TENM3: variants seen among roughly 807,000 people sequenced by gnomAD.
TENM3 encodes teneurin-3.
A neutral mutation model predicts 255.1 loss-of-function variants in TENM3; 63 were observed. The ratio of observed to expected loss-of-function variants is 0.25; its 90% CI spans 0.20 to 0.30. The LOEUF (loss-of-function observed/expected upper bound fraction) is 0.30, where lower values mean the gene tolerates loss of function less well. TENM3 is among the 10% of genes least tolerant of loss of function. TENM3 has a pLI of 1.00. For missense variants in TENM3, 2,929 were observed against 3,461.1 expected, an observed-to-expected ratio of 0.85 and a Z score of 3.86; for synonymous variants, 1,306 against 1,322.3, an observed-to-expected ratio of 0.99 and a Z score of 0.27.
the TENM3 span, among the ~76,000 whole-genome samples, chr4:181,990,751 C>A: frequency 1.3e-5 from 2 of 152,034 alleles, no homozygotes; most frequent in Non-Finnish European, 2.9e-5. Context: ...ACTAAAGGAG[C>A]CTGAAAATTA....
At chr4:181,787,363 G>A in the TENM3 span, among the ~76,000 whole-genome samples, 6,262 of 150,240 alleles carry the variant, frequency 0.042, 283 homozygotes, top group African/African-American at 0.11. Flanking sequence ...TTTTGAGACG[G>A]AGTCTCACTC....
chr4:182,758,771 C>T lies in TENM3; in HGVS notation c.4892+3512C>T, dbSNP rs572252983. Among the ~76,000 whole-genome samples the T allele has an allele frequency of 4.6e-4, 70 of 152,192 alleles. 1 individual carries two copies. Among genetic ancestry groups the T allele is most frequent in the African/African-American group, 1.5e-3 (63 of 41,528 alleles). On this transcript the variant is annotated intron_variant, in intron 22 of 27. Coordinates refer to ENST00000511685, the MANE Select transcript of TENM3 (RefSeq NM_001080477.4). ...GGCCAGAGTGTCACCAAAACCACAA[C>T]GAGATTGTGAAAAAAAATTGCCATC...
the TENM3 span, among the ~76,000 whole-genome samples, chr4:181,905,070 CA>C: frequency 6.6e-6 from 1 of 152,086 alleles, no homozygotes; most frequent in Non-Finnish European, 1.5e-5. Flanking sequence ...TCAAAAAAGT[CA>C]AAAAGGTTTC....
At chr4:182,683,050 A>G (rs1323794158) in intron 11 of TENM3, among the ~76,000 whole-genome samples, 1 of 152,152 alleles carries the variant, frequency 6.6e-6, no homozygotes, top group East Asian at 1.9e-4. Flanking sequence ...TAGTCTGGGT[A>G]AGGGTATAAT....
chr4:182,144,674 CG>C (rs1378973085), upstream of TENM3: 1 of 146,876 alleles, frequency 6.8e-6, no homozygotes, highest in Non-Finnish European at 1.5e-5. Context: ...GAATTTGGCC[CG>C]GCGCGGTGTG....
At chr4:182,597,742 T>G (rs1747407512) in intron 3 of TENM3, among the ~76,000 whole-genome samples, 1 of 152,234 alleles carries the variant, frequency 6.6e-6, no homozygotes, top group South Asian at 2.1e-4. Context: ...CTTTATATAC[T>G]GATTCTATCT....
intron 3 of TENM3, among the ~76,000 whole-genome samples, chr4:182,555,701 G>A (rs554042716): frequency 2.0e-5 from 3 of 152,024 alleles, no homozygotes; most frequent in South Asian, 4.1e-4. Context: ...ATTTATATGG[G>A]TTTTAAATTG....
At chr4:181,593,987 T>C in the TENM3 span, among the ~76,000 whole-genome samples, 1 of 130,914 alleles carries the variant, frequency 7.6e-6, no homozygotes, top group Non-Finnish European at 1.7e-5. Context: ...AGATAAACTC[T>C]GCAGGAGTTT....
intron 6 of TENM3, among the ~76,000 whole-genome samples, chr4:182,657,665 T>A (rs1753867269): frequency 6.6e-6 from 1 of 152,200 alleles, no homozygotes; most frequent in Non-Finnish European, 1.5e-5. Flanking sequence ...ATTTATTTAC[T>A]TATTTTGAGA....
At chr4:182,083,257 G>C in the TENM3 span, among the ~76,000 whole-genome samples, 1 of 152,160 alleles carries the variant, frequency 6.6e-6, no homozygotes, top group Non-Finnish European at 1.5e-5. Flanking sequence ...GGGTCAAATT[G>C]GGAGAACCCT....
chr4:182,588,465 A>G (rs553966772), intron 3 of TENM3, among the ~76,000 whole-genome samples: 1 of 152,270 alleles, frequency 6.6e-6, no homozygotes, highest in Admixed American at 6.5e-5. Flanking sequence ...TTTTATTTAT[A>G]TCATATCATA....
At chr4:181,517,705 G>A in the TENM3 span, among the ~76,000 whole-genome samples, 15,170 of 152,214 alleles carry the variant, frequency 0.1, 890 homozygotes, top group South Asian at 0.25. Flanking sequence ...CTGAACCACA[G>A]GGAAAAATCT....
At chr4:181,591,110 A>G in the TENM3 span, among the ~76,000 whole-genome samples, 2 of 152,248 alleles carry the variant, frequency 1.3e-5, no homozygotes, top group Non-Finnish European at 2.9e-5. Context: ...CCAAAGGTTC[A>G]ATATGGCCTG....
chr4:182,080,202 T>G, the TENM3 span, among the ~76,000 whole-genome samples: 1 of 152,226 alleles, frequency 6.6e-6, no homozygotes, highest in Non-Finnish European at 1.5e-5. Flanking sequence ...GTGGAAATAG[T>G]TCCACCTGAG....
chr4:181,517,827 T>A, the TENM3 span, among the ~76,000 whole-genome samples: 5 of 152,202 alleles, frequency 3.3e-5, no homozygotes, highest in Non-Finnish European at 7.3e-5. Flanking sequence ...CATTTTGGTT[T>A]GTTTTGGTTT....
the TENM3 span, among the ~76,000 whole-genome samples, chr4:181,460,075 G>A: frequency 6.6e-6 from 1 of 151,730 alleles, no homozygotes; most frequent in Admixed American, 6.6e-5. Context: ...GACATTCGTT[G>A]CTACTTTAAA....
At chr4:182,042,927 C>T in the TENM3 span, among the ~76,000 whole-genome samples, 1 of 150,670 alleles carries the variant, frequency 6.6e-6, no homozygotes, top group Non-Finnish European at 1.5e-5. Flanking sequence ...GACACTAATT[C>T]AGTATTGCAA....
At chr4:181,842,190 C>T in the TENM3 span, among the ~76,000 whole-genome samples, 16,816 of 152,068 alleles carry the variant, frequency 0.11, 1,274 homozygotes, top group South Asian at 0.16. Context: ...ATAGATAAGA[C>T]GCTTTGTAGG....
chr4:182,040,646 C>T, the TENM3 span, among the ~76,000 whole-genome samples: 37 of 152,276 alleles, frequency 2.4e-4, no homozygotes, highest in Non-Finnish European at 5.0e-4. Context: ...TCACCAATTT[C>T]GTTCATGCCA....
Sources: gnomAD v4.1 joint callset for allele counts (sites outside exome capture counted in the v4.1 genomes callset) on GRCh38, gnomAD v4.1.1 for gene constraint, MANE v1.5 for transcripts, NCBI Gene and HGNC (gene_info 2026-07-23, HGNC 2026-07-21) for gene names.